ATP10B: variants seen among roughly 807,000 people sequenced by gnomAD.
ATP10B encodes the protein ATPase phospholipid transporting 10B (putative), also known as phospholipid-transporting ATPase VB.
A neutral mutation model predicts 141.2 loss-of-function variants in ATP10B; 122 were observed. The ratio of observed to expected loss-of-function variants is 0.86; its 90% CI spans 0.75 to 1.00. The LOEUF (loss-of-function observed/expected upper bound fraction) is 1.00, where lower values mean the gene tolerates loss of function less well. Among genes scored for constraint, ATP10B ranks in the 50% least tolerant of loss-of-function variants. The pLI, the probability that ATP10B is intolerant of heterozygous loss-of-function variation, is 0.00. For missense variants in ATP10B, 1,876 were observed against 1,825.3 expected (o/e 1.03, Z -0.51); for synonymous variants, 685 against 692.0 (o/e 0.99, Z 0.16).
At chr5:160,877,981 C>T in the ATP10B span, among the ~76,000 whole-genome samples, 1 of 151,486 alleles carries the variant, frequency 6.6e-6, no homozygotes, top group South Asian at 2.1e-4. Flanking sequence ...AGATTCAATG[C>T]CATCCCCATC....
At chr5:160,723,831 G>A (rs775714625) in intron 2 of ATP10B, among the ~76,000 whole-genome samples, 6 of 152,090 alleles carry the variant, frequency 3.9e-5, no homozygotes, top group Non-Finnish European at 4.4e-5. Flanking sequence ...AAAAGCACAC[G>A]TACGTTCACT....
intron 6 of ATP10B, 122 bp downstream of exon 6, chr5:160,685,957 A>T (rs1763723723): frequency 1.2e-6 from 1 of 844,780 alleles, no homozygotes; most frequent in South Asian, 3.0e-5. Context: ...CCCCCCCTTG[A>T]GAATCAGTGA....
intron 18 of ATP10B, among the ~76,000 whole-genome samples, chr5:160,608,861 T>C (rs963514477): frequency 1.4e-4 from 22 of 152,178 alleles, no homozygotes; most frequent in African/African-American, 5.3e-4. Flanking sequence ...ATTGCAAAAA[T>C]TTTCTCCCAT....
At chr5:160,649,469 G>A (rs1466299099) in intron 7 of ATP10B, among the ~76,000 whole-genome samples, 6 of 152,176 alleles carry the variant, frequency 3.9e-5, no homozygotes, top group Admixed American at 1.3e-4. Context: ...CAGGGCAGAG[G>A]GAGGTGATTA....
At chr5:160,902,418 C>T in the ATP10B span, among the ~76,000 whole-genome samples, 4 of 152,078 alleles carry the variant, frequency 2.6e-5, no homozygotes, top group Non-Finnish European at 5.9e-5. Context: ...AGTTCAGGGT[C>T]CCTAATTATG....
intron 2 of ATP10B, among the ~76,000 whole-genome samples, chr5:160,751,534 G>A (rs1346097917): frequency 6.6e-6 from 1 of 151,868 alleles, no homozygotes; most frequent in Non-Finnish European, 1.5e-5. Flanking sequence ...CTATAACTAG[G>A]AAAAGATGAG....
intron 25 of ATP10B, among the ~76,000 whole-genome samples, chr5:160,568,117 G>A (rs1454470632): frequency 1.3e-5 from 2 of 152,134 alleles, no homozygotes; most frequent in African/African-American, 2.4e-5. Context: ...TGGTGCCGGT[G>A]ATAGAGGGTG....
At chr5:160,566,008 C>T (rs1754515963) in intron 25 of ATP10B, 108 bp from the exon 26 acceptor site, 8 of 1,013,434 alleles carry the variant, frequency 7.9e-6, no homozygotes, top group Non-Finnish European at 1.1e-5. Context: ...GAGCAAGATC[C>T]TCTTTACTGC....
rs1581244635 is a variant in ATP10B, at chr5:160,639,457, G to T, written c.1000+1004C>A. On this transcript the variant is annotated intron_variant, in intron 10 of 25. Transcript: ENST00000327245. ...TGTAATCACAGGTGTCTTGTAAAAGGCAGGGAGAGCTACTGCTGCAGATGA... is the reference window on the plus strand; with the variant it reads ...TGTAATCACAGGTGTCTTGTAAAAGTCAGGGAGAGCTACTGCTGCAGATGA... Among the ~76,000 whole-genome samples, 3 of 152,178 alleles carry T rather than the reference G, an allele frequency of 2.0e-5. No homozygotes were observed. The East Asian group carries it at 5.8e-4, about 29-fold the overall frequency.
intron 2 of ATP10B, among the ~76,000 whole-genome samples, chr5:160,766,147 A>G (rs1005578134): frequency 9.6e-4 from 89 of 92,522 alleles, no homozygotes; most frequent in African/African-American, 4.1e-3. Context: ...CAGTATGGAG[A>G]TTCCTTAAAG....
chr5:160,926,566 G>T, the ATP10B span, among the ~76,000 whole-genome samples: 5 of 152,336 alleles, frequency 3.3e-5, no homozygotes, highest in East Asian at 9.6e-4. Context: ...AAACAGACAG[G>T]GCTGGGGCTG....
intron 7 of ATP10B, among the ~76,000 whole-genome samples, chr5:160,655,528 T>A (rs1218098999): frequency 6.6e-6 from 1 of 152,092 alleles, no homozygotes; most frequent in African/African-American, 2.4e-5. Context: ...AGGTTAGTAA[T>A]GGAGAGGGTG....
chr5:160,863,720 G>C, the ATP10B span, among the ~76,000 whole-genome samples: 1 of 151,956 alleles, frequency 6.6e-6, no homozygotes, highest in African/African-American at 2.4e-5. Flanking sequence ...TAACCAAGAA[G>C]AGAGAAGATC....
intron 1 of ATP10B, among the ~76,000 whole-genome samples, chr5:160,789,746 AAT>A (rs1771433079): frequency 6.6e-6 from 1 of 152,190 alleles, no homozygotes; most frequent in Admixed American, 6.5e-5. Context: ...ACATTGGCAG[AAT>A]AGATAGTGGA....
intron 1 of ATP10B, among the ~76,000 whole-genome samples, chr5:160,839,747 G>A (rs2127985436): frequency 6.6e-6 from 1 of 152,024 alleles, no homozygotes; most frequent in Non-Finnish European, 1.5e-5. Flanking sequence ...CTAAAATATA[G>A]CAGTTTTTAA....
At chr5:160,787,115 C>G (rs1036928953) in intron 1 of ATP10B, among the ~76,000 whole-genome samples, 6 of 106,334 alleles carry the variant, frequency 5.6e-5, no homozygotes, top group African/African-American at 1.9e-4. Flanking sequence ...GACACACACA[C>G]ACACACACAC....
intron 1 of ATP10B, among the ~76,000 whole-genome samples, chr5:160,797,026 T>C (rs1361358500): frequency 1.3e-5 from 2 of 152,206 alleles, no homozygotes; most frequent in East Asian, 3.9e-4. Flanking sequence ...TCCAGCTGCT[T>C]GGGGGCACCC....
chr5:160,663,227 G>A (rs1342399743), intron 7 of ATP10B, among the ~76,000 whole-genome samples: 30 of 152,188 alleles, frequency 2.0e-4, no homozygotes, highest in African/African-American at 7.2e-4. Context: ...GGAAGTCAGT[G>A]TGGCAATTCC....
the ATP10B span, among the ~76,000 whole-genome samples, chr5:160,891,060 A>T: frequency 6.6e-6 from 1 of 152,082 alleles, no homozygotes. Flanking sequence ...ATTCTTTTGC[A>T]TGTATACTAA....
Sources: gnomAD v4.1 joint callset for allele counts (sites outside exome capture counted in the v4.1 genomes callset) on GRCh38, gnomAD v4.1.1 for gene constraint, MANE v1.5 for transcripts, NCBI Gene and HGNC (gene_info 2026-07-23, HGNC 2026-07-21) for gene names.